The following TIPARP variants were observed in gnomAD, a reference collection of about 807,000 sequenced individuals.
TIPARP encodes TCDD inducible poly(ADP-ribose) polymerase, also known as protein mono-ADP-ribosyltransferase TIPARP.
In TIPARP, 12 loss-of-function variants were observed where a neutral mutation model predicts 56.5. That is an observed-to-expected ratio of 0.21 (90% CI 0.14 to 0.34). The LOEUF (loss-of-function observed/expected upper bound fraction) is 0.34. Among genes scored for constraint, TIPARP ranks in the 10% least tolerant of loss-of-function variants. The pLI is 1.00. For missense variants in TIPARP, 604 were observed against 781.6 expected (o/e 0.77, Z 2.71); for synonymous variants, 296 against 265.7 (o/e 1.11, Z -1.11).
chr3:156,693,890 A>C, intron 2 of TIPARP, 130 bp from the exon 3 acceptor site: 1 of 1,067,210 alleles, frequency 9.4e-7, no homozygotes, highest in Non-Finnish European at 1.3e-6. Context: ...ACTCCAAGTA[A>C]AGCAAGTTTT....
intron 4 of TIPARP, among the ~76,000 whole-genome samples, chr3:156,703,217 G>A (rs912816369): frequency 5.9e-5 from 9 of 152,164 alleles, no homozygotes; most frequent in Non-Finnish European, 1.0e-4. Flanking sequence ...GAGGCCCACA[G>A]AAGGCTAATA....
rs1722674614 is a variant in TIPARP at position 156,695,019 on chromosome 3, G to T, written c.1086+831G>T. ...ATCACTAGTATCTACCTTCCAAAGA[G>T]AATACAAGGCTGTTTAAAATGTACT... On this transcript the variant is annotated intron_variant, in intron 3 of 5. Transcript: ENST00000295924. Among the ~76,000 whole-genome samples the T allele has an allele frequency of 2.0e-5, 3 of 152,138 alleles. No homozygotes were observed. In the South Asian group the frequency reaches 6.2e-4, roughly 32 times the overall value.
rs10631452 is a variant in TIPARP at position 156,695,826 on chromosome 3, C to CTTTTTTTTTTTTTTTTTTTT, written c.1087-22_1087-21insTTTTTTTTTTTTTTTTTTTT. 61 of 1,031,208 alleles carry CTTTTTTTTTTTTTTTTTTTT rather than the reference C, an allele frequency of 5.9e-5. 6 individuals carry two copies. Among genetic ancestry groups the CTTTTTTTTTTTTTTTTTTTT allele is most frequent in the South Asian group, 1.8e-4 (6 of 32,850 alleles). The allele number at this position is 1,031,208 out of a possible 1,614,324, so 63.9% of individuals were successfully genotyped here. A position where few individuals can be genotyped will look rare whatever the true frequency, so the allele number is the denominator to read the frequency against. On this transcript the variant is annotated intron_variant, in intron 3 of 5. Transcript: ENST00000295924. Reference sequence around the variant, plus strand: ...TTTTTAACCATGATTATTAACTTTCCTTTTTTTTTTTTTTTTTGTTCTGTT... The same window carrying CTTTTTTTTTTTTTTTTTTTT: ...TTTTTAACCATGATTATTAACTTTCCTTTTTTTTTTTTTTTTTTTTTTTTTTTTTTTTTTTTTGTTCTGTT...
chr3:156,693,136 CT>C (rs1379092823), intron 2 of TIPARP, among the ~76,000 whole-genome samples: 5 of 151,858 alleles, frequency 3.3e-5, no homozygotes, highest in Admixed American at 1.3e-4. Context: ...TTTATATTTT[CT>C]TATAGTAACT....
chr3:156,706,753 T>TA lies in TIPARP; in HGVS notation c.*1623dup, dbSNP rs1325751429. 1 of 152,546 alleles carries TA rather than the reference T, an allele frequency of 6.6e-6. No homozygotes were observed. The highest frequency in any genetic ancestry group is 1.9e-4 in the East Asian group (1 of 5,204). 9.4% of individuals were successfully genotyped at this position (152,546 alleles called of 1,614,324 possible). A position where few individuals can be genotyped will look rare whatever the true frequency, so the allele number is the denominator to read the frequency against. ...AATAAAACTAAGCAAAAATAAAACT[T>TA]ATGGTAATTCTTTAAAATTTGTTGT... is the stretch of plus-strand genomic sequence containing the variant. On this transcript the variant is annotated 3_prime_UTR_variant, in exon 6 of 6. Coordinates refer to ENST00000295924, the MANE Select transcript of TIPARP (RefSeq NM_015508.5).
chr3:156,687,191 G>T (rs751754460), intron 2 of TIPARP, among the ~76,000 whole-genome samples: 21 of 152,178 alleles, frequency 1.4e-4, no homozygotes, highest in Non-Finnish European at 2.5e-4. Flanking sequence ...TGGTTGAGAA[G>T]TATGTCTCAT....
intron 3 of TIPARP, among the ~76,000 whole-genome samples, 198 bp from the exon 4 acceptor site, chr3:156,695,667 T>A (rs1249287273): frequency 6.6e-6 from 1 of 152,062 alleles, no homozygotes; most frequent in Non-Finnish European, 1.5e-5. Flanking sequence ...CCATGCCTTA[T>A]GAACAGGGAG....
chr3:156,683,539 A>G (rs1327282063), intron 2 of TIPARP, among the ~76,000 whole-genome samples: 1 of 152,152 alleles, frequency 6.6e-6, no homozygotes, highest in Non-Finnish European at 1.5e-5. Flanking sequence ...TTCAGCATTT[A>G]AAATTTCATT....
chr3:156,684,651 C>T (rs1299595170), intron 2 of TIPARP, among the ~76,000 whole-genome samples: 3 of 151,978 alleles, frequency 2.0e-5, no homozygotes, highest in Non-Finnish European at 2.9e-5. Context: ...AGGCTCGTCT[C>T]GAACTCCCGA....
At chr3:156,690,530 T>G (rs344011) in intron 2 of TIPARP, among the ~76,000 whole-genome samples, 145,025 of 152,184 alleles carry the variant, frequency 0.95, 69,142 homozygotes, top group Middle Eastern at 0.99. Flanking sequence ...TTTAAATTAG[T>G]GTTGTATATG....
At chr3:156,675,909 C>T (rs909188249) in intron 1 of TIPARP, 3 of 152,236 alleles carry the variant, frequency 2.0e-5, no homozygotes, top group Non-Finnish European at 1.5e-5. Flanking sequence ...GCCACTTCTC[C>T]AGTTCTCTGC....
At chr3:156,687,515 T>G (rs1214253596) in intron 2 of TIPARP, among the ~76,000 whole-genome samples, 1 of 152,184 alleles carries the variant, frequency 6.6e-6, no homozygotes, top group Non-Finnish European at 1.5e-5. Flanking sequence ...GTAATTTGCT[T>G]TTAGTGGTTG....
At chr3:156,699,945 C>T (rs1411933134) in intron 4 of TIPARP, among the ~76,000 whole-genome samples, 2 of 151,862 alleles carry the variant, frequency 1.3e-5, no homozygotes, top group East Asian at 1.9e-4. Context: ...GCTGAAGGAC[C>T]TAGTAGGGAG....
chr3:156,683,252 A>G (rs1016659241), intron 2 of TIPARP, among the ~76,000 whole-genome samples: 3 of 152,170 alleles, frequency 2.0e-5, no homozygotes, highest in Non-Finnish European at 1.5e-5. Context: ...GATACATTAT[A>G]TATTTTATCA....
chr3:156,694,265 T>A, intron 3 of TIPARP, 77 bp downstream of exon 3: 4 of 1,361,758 alleles, frequency 2.9e-6, no homozygotes, highest in Non-Finnish European at 4.0e-6. Flanking sequence ...ATTCTTTCTT[T>A]ACAACAATGA....
At position 156,704,712 on chromosome 3, in the gene TIPARP, T is replaced by G; in HGVS notation, c.1555T>G (p.Phe519Val). The stretch of plus-strand genomic sequence containing the variant: ...AAAGGAATATATGAACAGGAAAATG[T>G]TTGGCCGTGACAGGATAATAAATGA... The part of the protein sequence containing the change: ...RKKEYMNRKM[F>V]GRDRIINERH... Residue 519 changes from phenylalanine to valine, a missense_variant, in exon 6 of 6, where the codon TTT becomes GTT. Physicochemically the swap from Phe to Val is conservative, Grantham distance 50. Coordinates refer to ENST00000295924, the MANE Select transcript of TIPARP (RefSeq NM_015508.5). The G allele has an allele frequency of 6.2e-7, 1 of 1,613,894 alleles. No homozygotes were observed. The highest frequency in any genetic ancestry group is 8.5e-7 in the Non-Finnish European group (1 of 1,179,848).
intron 2 of TIPARP, among the ~76,000 whole-genome samples, chr3:156,685,957 G>A (rs1217429421): frequency 6.6e-6 from 1 of 152,162 alleles, no homozygotes; most frequent in African/African-American, 2.4e-5. Context: ...TTCCTGCTGT[G>A]GTTGGTCTTT....
intron 2 of TIPARP, among the ~76,000 whole-genome samples, chr3:156,680,239 C>G (rs1722260591): frequency 6.6e-6 from 1 of 152,138 alleles, no homozygotes; most frequent in South Asian, 2.1e-4. Context: ...ATATTACACT[C>G]AAGATTCCAC....
intron 2 of TIPARP, among the ~76,000 whole-genome samples, chr3:156,684,018 A>G (rs1214069179): frequency 2.0e-5 from 3 of 152,204 alleles, no homozygotes; most frequent in Admixed American, 6.5e-5. Flanking sequence ...TCAGTCTCCA[A>G]TTTGTGAGTT....
Sources: gnomAD v4.1 joint callset for allele counts (sites outside exome capture counted in the v4.1 genomes callset) on GRCh38, gnomAD v4.1.1 for gene constraint, MANE v1.5 for transcripts, NCBI Gene and HGNC (gene_info 2026-07-23, HGNC 2026-07-21) for gene names.